Variants in MAGI1 observed in about 807,000 individuals in gnomAD.
The protein encoded by MAGI1 is membrane-associated guanylate kinase, WW and PDZ domain-containing protein 1.
MAGI1 carries 58 observed loss-of-function variants against 139.9 expected under a neutral mutation model. The ratio of observed to expected loss-of-function variants is 0.41; its 90% confidence interval spans 0.34 to 0.52. MAGI1 has a LOEUF of 0.52. Ranked by LOEUF, MAGI1 falls within the 20% of genes least tolerant of loss-of-function variation. The probability of loss-of-function intolerance (pLI) is 0.12; values close to 1 mark genes in which losing one functional copy is unlikely to be tolerated. For missense variants in MAGI1, 1,874 were observed against 1,901.6 expected, an observed-to-expected ratio of 0.99 and a Z score of 0.27; for synonymous variants, 812 against 737.9, an observed-to-expected ratio of 1.10 and a Z score of -1.63.
intron 1 of MAGI1, among the ~76,000 whole-genome samples, chr3:65,659,507 T>G (rs2086073694): frequency 6.6e-6 from 1 of 152,114 alleles, no homozygotes; most frequent in Non-Finnish European, 1.5e-5. Context: ...ACACTCATAT[T>G]TGGTGTAAAA....
chr3:65,386,195 T>C (rs1198527783), intron 14 of MAGI1, among the ~76,000 whole-genome samples: 1 of 151,448 alleles, frequency 6.6e-6, no homozygotes, highest in African/African-American at 2.4e-5. Flanking sequence ...TAGCATGGTA[T>C]GGGAGGTTGT....
chr3:65,663,313 T>C (rs2086309965), intron 1 of MAGI1, among the ~76,000 whole-genome samples: 1 of 152,192 alleles, frequency 6.6e-6, no homozygotes, highest in African/African-American at 2.4e-5. Flanking sequence ...GGTCAATTGC[T>C]ACAAAAACGT....
chr3:65,978,715 G>A (rs1256512683), intron 1 of MAGI1, among the ~76,000 whole-genome samples: 3 of 143,866 alleles, frequency 2.1e-5, no homozygotes, highest in South Asian at 2.3e-4. Context: ...TGCAACCTCC[G>A]CCTCCCAGGT....
chr3:65,939,746 A>G (rs1560035112), intron 1 of MAGI1, among the ~76,000 whole-genome samples: 2 of 152,204 alleles, frequency 1.3e-5, no homozygotes, highest in South Asian at 4.1e-4. Context: ...ATAAAAGGAC[A>G]TTAGTAGTCA....
At chr3:65,369,136 T>G (rs543877032) in intron 18 of MAGI1, among the ~76,000 whole-genome samples, 2 of 152,236 alleles carry the variant, frequency 1.3e-5, no homozygotes, top group South Asian at 2.1e-4. Flanking sequence ...CCTCCCCCAT[T>G]GTCCACCCTG....
chr3:65,541,190 G>A (rs527706596), intron 2 of MAGI1, among the ~76,000 whole-genome samples: 4 of 152,100 alleles, frequency 2.6e-5, no homozygotes, highest in African/African-American at 9.6e-5. Flanking sequence ...ACAAATTCCT[G>A]GACACAAACA....
At position 65,379,403 on chromosome 3, in the gene MAGI1, G is replaced by A. The variant is rs150916367; in HGVS notation, c.2853C>T (p.Ile951=). ...CGCTGCCCCCGCCGCCGCCACTGCC[G>A]ATGCCGCTGGTGCTGCCGCTGCCCG... The part of the protein sequence containing the change: ...VSSGSGSTSG[I]GSGGGGGSGV... The change falls in exon 17 of 23, where the codon ATC becomes ATT. Residue 951 remains isoleucine, a synonymous_variant. Transcript: ENST00000402939. 6 of 1,613,108 alleles carry A rather than the reference G, an allele frequency of 3.7e-6. No individual in the cohort carries two copies. Among genetic ancestry groups the A allele is most frequent in the South Asian group, 1.1e-5 (1 of 91,048 alleles).
intron 2 of MAGI1, among the ~76,000 whole-genome samples, chr3:65,577,759 G>A (rs982042417): frequency 2.6e-5 from 4 of 152,306 alleles, no homozygotes; most frequent in Non-Finnish European, 4.4e-5. Flanking sequence ...TCTTTACACA[G>A]CAGACTCACA....
intron 12 of MAGI1, among the ~76,000 whole-genome samples, chr3:65,427,158 A>G (rs2107320436): frequency 6.6e-6 from 1 of 152,178 alleles, no homozygotes. Flanking sequence ...CTGAAAATAC[A>G]AAAATCAGCC....
intron 1 of MAGI1, among the ~76,000 whole-genome samples, chr3:65,927,576 A>G (rs543449825): frequency 9.8e-5 from 15 of 152,352 alleles, no homozygotes; most frequent in African/African-American, 3.6e-4. Context: ...CCAAGAAATC[A>G]GGGTGCTTCT....
intron 13 of MAGI1, among the ~76,000 whole-genome samples, chr3:65,397,283 T>C (rs1944467758): frequency 6.6e-6 from 1 of 152,192 alleles, no homozygotes; most frequent in Non-Finnish European, 1.5e-5. Context: ...TTAGTGTGTG[T>C]GTGTAAAAGG....
Position 66,000,461 on chromosome 3 carries a change from A to T in MAGI1, c.313+37535T>A, listed in dbSNP as rs555977819. 3.0e-3 allele frequency among the ~76,000 whole-genome samples: 460 copies of T among 151,868 alleles called. 2 individuals are homozygous for T. Among genetic ancestry groups the T allele is most frequent in the African/African-American group, 9.0e-3 (371 of 41,264 alleles). Reference sequence around the variant, plus strand: ...ATAAACGCAGGGTTTAAAAAAAAAAATTTTTAAACCTAATACGACTAAGGC... The same window carrying T: ...ATAAACGCAGGGTTTAAAAAAAAAATTTTTTAAACCTAATACGACTAAGGC... On this transcript the variant is annotated intron_variant, in intron 1 of 22. Transcript: ENST00000402939.
intron 4 of MAGI1, among the ~76,000 whole-genome samples, chr3:65,474,592 C>T (rs1423017458): frequency 6.7e-6 from 1 of 148,186 alleles, no homozygotes. Context: ...AATAGTAAAT[C>T]AGAAGCTTCC....
chr3:65,485,866 C>T (rs1951592723), intron 3 of MAGI1, among the ~76,000 whole-genome samples: 1 of 152,168 alleles, frequency 6.6e-6, no homozygotes, highest in African/African-American at 2.4e-5. Context: ...ACTTTTAACT[C>T]CAGGAATATT....
At position 66,002,467 on chromosome 3, in the gene MAGI1, T is replaced by G. The variant is rs117038167; in HGVS notation, c.313+35529A>C. On this transcript the variant is annotated intron_variant, in intron 1 of 22. Transcript: ENST00000402939. ...GTGAAGATCTCTGTCTTTTCTGAAA[T>G]GACTTGATGCTGCTTAAAACTCACC... is the stretch of plus-strand genomic sequence containing the variant. 1.4e-3 allele frequency among the ~76,000 whole-genome samples: 206 copies of G among 152,106 alleles called. 1 individual carries two copies. The East Asian group carries it at 0.019, about 14-fold the overall frequency.
intron 10 of MAGI1, among the ~76,000 whole-genome samples, chr3:65,435,385 A>G (rs1376644465): frequency 2.0e-5 from 3 of 152,200 alleles, no homozygotes; most frequent in Non-Finnish European, 2.9e-5. Flanking sequence ...TGGCACTCAG[A>G]ACCTGAACCT....
intron 7 of MAGI1, among the ~76,000 whole-genome samples, chr3:65,446,840 A>C (rs924553952): frequency 6.6e-6 from 1 of 152,230 alleles, no homozygotes; most frequent in African/African-American, 2.4e-5. Context: ...ATCTTTAAAA[A>C]TAGATCCATC....
intron 2 of MAGI1, among the ~76,000 whole-genome samples, chr3:65,524,548 T>C (rs1166131683): frequency 1.3e-5 from 2 of 152,184 alleles, no homozygotes. Flanking sequence ...CATCATTCAA[T>C]TCCACAGTGG....
intron 1 of MAGI1, among the ~76,000 whole-genome samples, chr3:65,955,477 G>A (rs983292361): frequency 6.6e-6 from 1 of 152,144 alleles, no homozygotes; most frequent in South Asian, 2.1e-4. Context: ...CACTAAGCAG[G>A]GCAAATGAAG....
Sources: gnomAD v4.1 joint callset for allele counts (sites outside exome capture counted in the v4.1 genomes callset) on GRCh38, gnomAD v4.1.1 for gene constraint, MANE v1.5 for transcripts, NCBI Gene and HGNC (gene_info 2026-07-23, HGNC 2026-07-21) for gene names.